Variants in SLC24A3 observed in about 807,000 individuals in gnomAD.
SLC24A3 encodes solute carrier family 24 member 3.
SLC24A3 carries 28 observed loss-of-function variants against 75.8 expected under a neutral mutation model. That is an observed-to-expected ratio of 0.37 (90% confidence interval 0.27 to 0.51). SLC24A3 has a LOEUF of 0.51. Among genes scored for constraint, SLC24A3 ranks in the 20% least tolerant of loss-of-function variants. The pLI is 0.94. For missense variants in SLC24A3, 663 were observed against 847.8 expected (o/e 0.78, Z 2.71); for synonymous variants, 372 against 334.1 (o/e 1.11, Z -1.24).
chr20:19,356,852 TTAATAATAA>T (rs11275262), intron 2 of SLC24A3, among the ~76,000 whole-genome samples: 4 of 149,816 alleles, frequency 2.7e-5, no homozygotes, highest in Admixed American at 6.7e-5. Context: ...AGACTTTGCA[TTAATAATAA>T]TAATAATAAT....
chr20:19,548,400 T>C (rs1173668775), intron 3 of SLC24A3, among the ~76,000 whole-genome samples: 1 of 152,252 alleles, frequency 6.6e-6, no homozygotes, highest in East Asian at 1.9e-4. Flanking sequence ...AGATGTTATG[T>C]GACATTTGAC....
intron 2 of SLC24A3, among the ~76,000 whole-genome samples, chr20:19,352,085 G>A (rs1365903626): frequency 1.3e-5 from 2 of 151,844 alleles, no homozygotes; most frequent in African/African-American, 2.4e-5. Context: ...AGGATGAGGG[G>A]GTAGCAGGGC....
intron 2 of SLC24A3, among the ~76,000 whole-genome samples, chr20:19,405,762 A>T (rs1600467749): frequency 6.6e-6 from 1 of 152,216 alleles, no homozygotes; most frequent in East Asian, 1.9e-4. Context: ...TATTTCTACA[A>T]AGGATAATTA....
chr20:19,231,459 G>T (rs1004258985), intron 1 of SLC24A3, among the ~76,000 whole-genome samples: 3 of 152,196 alleles, frequency 2.0e-5, no homozygotes, highest in South Asian at 2.1e-4. Flanking sequence ...AAACAGGGAG[G>T]CAGGAGAGTC....
intron 1 of SLC24A3, among the ~76,000 whole-genome samples, chr20:19,253,153 A>T (rs908835500): frequency 6.6e-6 from 1 of 152,136 alleles, no homozygotes; most frequent in African/African-American, 2.4e-5. Flanking sequence ...GCCATTTCCT[A>T]TAGGAGTAGG....
At chr20:19,653,004 A>C (rs1203212404) in intron 6 of SLC24A3, among the ~76,000 whole-genome samples, 5 of 152,164 alleles carry the variant, frequency 3.3e-5, no homozygotes, top group Non-Finnish European at 7.3e-5. Context: ...GCCAGTGACA[A>C]CCCTTGGAAC....
intron 6 of SLC24A3, among the ~76,000 whole-genome samples, chr20:19,631,808 GTGTGTGTGTGTGTGTA>G (rs2031938140): frequency 6.6e-6 from 1 of 151,766 alleles, no homozygotes; most frequent in African/African-American, 2.4e-5. Flanking sequence ...GTGTGTGTGT[GTGTGTGTGTGTGTGTA>G]TGTAACCACA....
At chr20:19,357,352 T>G (rs1464916376) in intron 2 of SLC24A3, among the ~76,000 whole-genome samples, 1 of 152,166 alleles carries the variant, frequency 6.6e-6, no homozygotes, top group Non-Finnish European at 1.5e-5. Flanking sequence ...GGGACACAGT[T>G]TGGGGTAATT....
intron 2 of SLC24A3, among the ~76,000 whole-genome samples, chr20:19,342,453 G>T (rs1985292226): frequency 6.6e-6 from 1 of 152,232 alleles, no homozygotes; most frequent in Non-Finnish European, 1.5e-5. Context: ...TCTTTGGACA[G>T]ATCAGATGTT....
intron 7 of SLC24A3, among the ~76,000 whole-genome samples, chr20:19,661,964 C>T (rs777664080): frequency 1.2e-4 from 19 of 152,200 alleles, no homozygotes; most frequent in South Asian, 2.1e-4. Flanking sequence ...AATGAAAAGC[C>T]GGTTTCCATG....
intron 3 of SLC24A3, among the ~76,000 whole-genome samples, chr20:19,555,674 G>A (rs1342604802): frequency 6.6e-6 from 1 of 152,224 alleles, no homozygotes; most frequent in Non-Finnish European, 1.5e-5. Flanking sequence ...TAACAGAACA[G>A]AGCATCGTAA....
At chr20:19,219,338 TC>T (rs1981646628) in intron 1 of SLC24A3, among the ~76,000 whole-genome samples, 2 of 152,132 alleles carry the variant, frequency 1.3e-5, no homozygotes, top group African/African-American at 4.8e-5. Context: ...TTGAGGGAGT[TC>T]CTGCCCGGAC....
In SLC24A3 at chr20:19,585,555, C is replaced by T. The variant is rs375667603; in HGVS notation, c.612+11C>T. Reference sequence around the variant, plus strand: ...CTCTTTGCTGGGCAGGTAAGACTGGCGGCTTCTTTGTGATGGCAAAATGTG... The same window carrying T: ...CTCTTTGCTGGGCAGGTAAGACTGGTGGCTTCTTTGTGATGGCAAAATGTG... On this transcript the variant is annotated intron_variant, in intron 6 of 16. Transcript: ENST00000328041. The T allele has an allele frequency of 9.4e-5, 151 of 1,611,218 alleles. No individual in the cohort carries two copies. The highest frequency in any genetic ancestry group is 1.8e-4 in the South Asian group (16 of 90,686).
chr20:19,272,451 A>T (rs947518226), intron 1 of SLC24A3, among the ~76,000 whole-genome samples: 8 of 152,246 alleles, frequency 5.3e-5, no homozygotes, highest in Admixed American at 2.0e-4. Flanking sequence ...TGCTGGGCAC[A>T]TGAGTCACCT....
At chr20:19,317,444 T>C (rs965809325) in intron 2 of SLC24A3, among the ~76,000 whole-genome samples, 1 of 152,200 alleles carries the variant, frequency 6.6e-6, no homozygotes, top group Non-Finnish European at 1.5e-5. Context: ...CTCTGCAAGA[T>C]GACTCCCCTG....
At chr20:19,698,457 T>C in intron 14 of SLC24A3, 111 bp from the exon 15 acceptor site, 2 of 670,012 alleles carry the variant, frequency 3.0e-6, no homozygotes, top group South Asian at 3.7e-5. Context: ...GAGAAGCACA[T>C]ATGTGAGCTT....
chr20:19,364,281 C>G (rs1163959081), intron 2 of SLC24A3, among the ~76,000 whole-genome samples: 1 of 152,092 alleles, frequency 6.6e-6, no homozygotes, highest in African/African-American at 2.4e-5. Flanking sequence ...GCCCCCCTCC[C>G]CTGAGTCTGA....
chr20:19,257,241 C>A (rs1035685413), intron 1 of SLC24A3, among the ~76,000 whole-genome samples: 5 of 152,180 alleles, frequency 3.3e-5, no homozygotes, highest in Admixed American at 2.0e-4. Flanking sequence ...CTCCTGCCTC[C>A]GTAAGCAGCC....
At chr20:19,639,775 C>T (rs994794154) in intron 6 of SLC24A3, among the ~76,000 whole-genome samples, 4 of 152,226 alleles carry the variant, frequency 2.6e-5, no homozygotes, top group South Asian at 2.1e-4. Flanking sequence ...AGCCCTGCCC[C>T]GCGGGAAGGC....
Sources: allele counts gnomAD v4.1 joint callset (sites outside exome capture counted in the v4.1 genomes callset), GRCh38; gene constraint gnomAD v4.1.1; transcripts MANE v1.5; gene names NCBI Gene and HGNC (gene_info 2026-07-23, HGNC 2026-07-21).